The following LPP variants were observed in gnomAD, a reference collection of about 807,000 sequenced individuals.
LPP encodes the protein LIM domain containing preferred translocation partner in lipoma.
A neutral mutation model predicts 60.4 loss-of-function variants in LPP; 38 were observed. The ratio of observed to expected loss-of-function variants is 0.63; its 90% CI spans 0.49 to 0.83. The LOEUF (loss-of-function observed/expected upper bound fraction) is 0.83, where lower values mean the gene tolerates loss of function less well. LPP is among the 40% of genes least tolerant of loss of function. The probability of loss-of-function intolerance (pLI) is 0.00; values close to 1 mark genes in which losing one functional copy is unlikely to be tolerated. For missense variants in LPP, 902 were observed against 783.6 expected, an observed-to-expected ratio of 1.15 and a Z score of -1.80; for synonymous variants, 328 against 290.8, an observed-to-expected ratio of 1.13 and a Z score of -1.30.
chr3:188,300,508 T>A (rs992443890), intron 2 of LPP, among the ~76,000 whole-genome samples: 8 of 151,440 alleles, frequency 5.3e-5, no homozygotes, highest in African/African-American at 1.7e-4. Flanking sequence ...TCCAGTTTTT[T>A]AAATAAATTA....
chr3:188,655,657 C>G (rs1470756565), intron 7 of LPP, among the ~76,000 whole-genome samples: 3 of 152,102 alleles, frequency 2.0e-5, no homozygotes, highest in African/African-American at 7.2e-5. Context: ...AAGGTTGTTT[C>G]CAACCTTAAG....
chr3:188,233,204 T>A (rs774541403), intron 2 of LPP, among the ~76,000 whole-genome samples: 1 of 152,214 alleles, frequency 6.6e-6, no homozygotes, highest in Non-Finnish European at 1.5e-5. Flanking sequence ...TGCTCATGTT[T>A]TCTGATACCT....
intron 7 of LPP, among the ~76,000 whole-genome samples, chr3:188,689,160 G>A (rs1303247609): frequency 1.3e-5 from 2 of 152,160 alleles, no homozygotes; most frequent in East Asian, 3.9e-4. Flanking sequence ...GTGTTGGGAG[G>A]ATTTGAGCCT....
chr3:188,421,874 G>A (rs936264709), intron 4 of LPP, among the ~76,000 whole-genome samples: 2 of 152,096 alleles, frequency 1.3e-5, no homozygotes, highest in African/African-American at 2.4e-5. Context: ...AAGCCTGGCC[G>A]TGATCTTACA....
chr3:188,260,740 A>C (rs1733303541), intron 2 of LPP, among the ~76,000 whole-genome samples: 1 of 152,028 alleles, frequency 6.6e-6, no homozygotes, highest in Non-Finnish European at 1.5e-5. Flanking sequence ...TTTAAAAAGA[A>C]AGTGTTTCTG....
intron 2 of LPP, among the ~76,000 whole-genome samples, chr3:188,323,881 C>T (rs542857718): frequency 1.2e-4 from 19 of 152,312 alleles, no homozygotes; most frequent in African/African-American, 4.3e-4. Context: ...TTGAATCCAG[C>T]TGAAGCAGGA....
At chr3:188,558,268 T>C (rs1219550511) in intron 6 of LPP, among the ~76,000 whole-genome samples, 2 of 152,096 alleles carry the variant, frequency 1.3e-5, no homozygotes, top group African/African-American at 4.8e-5. Context: ...TCATATCCTC[T>C]CTTCTTTTAC....
chr3:188,346,251 CTTTTTTTT>C (rs1050679907), intron 3 of LPP, among the ~76,000 whole-genome samples: 1 of 88,344 alleles, frequency 1.1e-5, no homozygotes, highest in African/African-American at 5.2e-5. Flanking sequence ...AGTAGCAAAT[CTTTTTTTT>C]TTTTTTTTTT....
chr3:188,301,096 C>T (rs946468205), intron 2 of LPP, among the ~76,000 whole-genome samples: 20 of 152,150 alleles, frequency 1.3e-4, no homozygotes, highest in African/African-American at 4.6e-4. Context: ...GCCCATCCAC[C>T]CTCCTGCCTC....
chr3:188,174,795 A>G (rs1289895188), intron 1 of LPP, among the ~76,000 whole-genome samples: 1 of 152,080 alleles, frequency 6.6e-6, no homozygotes, highest in Non-Finnish European at 1.5e-5. Flanking sequence ...GCATATTAAT[A>G]CCACCTCTTC....
At position 188,352,635 on chromosome 3, in the gene LPP, A is replaced by G. The variant is rs571165011; in HGVS notation, c.-10+10916A>G. On this transcript the variant is annotated intron_variant, in intron 3 of 11. Coordinates refer to ENST00000617246, the MANE Select transcript of LPP (RefSeq NM_001375462.1). This position sits in a 1 kb window ranked among gnomAD's most constrained non-coding sequence, Gnocchi z 4.4. The stretch of plus-strand genomic sequence containing the variant: ...ATGCGGAGGTGACTTGCTCAAGGCC[A>G]CAGAGTGCATAGAGAGAAGGCTGGG... Among the ~76,000 whole-genome samples the G allele has an allele frequency of 6.6e-5, 10 of 152,358 alleles. No homozygotes were observed. The highest frequency in any genetic ancestry group is 6.2e-4 in the South Asian group (3 of 4,832).
Position 188,381,374 on chromosome 3 carries a change from A to G in LPP, c.-9-24738A>G, listed in dbSNP as rs542004755. On this transcript the variant is annotated intron_variant, in intron 3 of 11. Coordinates refer to ENST00000617246, the MANE Select transcript of LPP (RefSeq NM_001375462.1). ...CTTTTCCTTTCTTTCTTCAGCAACCATTACTGAGCATTTACCTTATTGGAA... is the reference window on the plus strand; with the variant it reads ...CTTTTCCTTTCTTTCTTCAGCAACCGTTACTGAGCATTTACCTTATTGGAA... 2.9e-4 allele frequency among the ~76,000 whole-genome samples: 44 copies of G among 151,762 alleles called. No individual in the cohort carries two copies. In the South Asian group the frequency reaches 8.6e-3, roughly 30 times the overall value.
At chr3:188,589,347 C>A (rs1345842045) in intron 6 of LPP, among the ~76,000 whole-genome samples, 6 of 152,066 alleles carry the variant, frequency 3.9e-5, no homozygotes, top group African/African-American at 9.7e-5. Flanking sequence ...TCAAGTTTTG[C>A]AAAAGAATGA....
At chr3:188,765,950 A>C (rs1048619610) in intron 9 of LPP, among the ~76,000 whole-genome samples, 4 of 138,870 alleles carry the variant, frequency 2.9e-5, no homozygotes, top group Non-Finnish European at 6.0e-5. Context: ...GGCTCACTGC[A>C]ATCTCCACCT....
At chr3:188,870,285 T>G (rs1480712999) in intron 10 of LPP, among the ~76,000 whole-genome samples, 2 of 152,228 alleles carry the variant, frequency 1.3e-5, no homozygotes, top group Non-Finnish European at 2.9e-5. Flanking sequence ...TTCTCAGGTC[T>G]GTACTGGAAG....
intron 4 of LPP, among the ~76,000 whole-genome samples, chr3:188,449,836 G>A (rs371172327): frequency 4.0e-5 from 6 of 151,864 alleles, no homozygotes; most frequent in East Asian, 1.9e-4. Flanking sequence ...ACAGAGTCTC[G>A]TTCTGTCACC....
intron 4 of LPP, among the ~76,000 whole-genome samples, chr3:188,436,112 G>A (rs1031782517): frequency 5.9e-5 from 9 of 152,108 alleles, no homozygotes; most frequent in African/African-American, 1.4e-4. Context: ...CTTGGAACTC[G>A]TGGATATGTA....
At position 188,609,557 on chromosome 3, in the gene LPP, A is replaced by T; in HGVS notation, c.826A>T (p.Ile276Phe). ...ACGGGGAGGCATGGATTATGCCTAC[A>T]TTCCACCACCAGGACTTCAGCCGGA... ...STRGGMDYAY[I>F]PPPGLQPEPG... The change falls in exon 7 of 12, where the codon ATT becomes TTT. Residue 276 changes from isoleucine to phenylalanine, a missense_variant. By Grantham distance (21) the Ile-to-Phe change is conservative (BLOSUM62 0). Coordinates refer to ENST00000617246, the MANE Select transcript of LPP (RefSeq NM_001375462.1). The surrounding 1 kb of genome is among the most constrained non-coding windows in gnomAD (Gnocchi z 6.9). The T allele has an allele frequency of 6.2e-7, 1 of 1,614,164 alleles. No individual in the cohort carries two copies. The highest frequency in any genetic ancestry group is 1.1e-5 in the South Asian group (1 of 91,084).
chr3:188,648,639 T>C lies in LPP; in HGVS notation c.1113+38795T>C, dbSNP rs543014921. 5.9e-5 allele frequency among the ~76,000 whole-genome samples: 9 copies of C among 152,316 alleles called. No homozygotes were observed. In the East Asian group the frequency reaches 1.7e-3, roughly 29 times the overall value. On this transcript the variant is annotated intron_variant, in intron 7 of 11. Coordinates refer to ENST00000617246, the MANE Select transcript of LPP (RefSeq NM_001375462.1). ...CTATCTAGCCTTCATACTTCTTGAA[T>C]CACTTTGAGTATGGTACCCTTATTT...
Sources: gnomAD v4.1 joint callset for allele counts (sites outside exome capture counted in the v4.1 genomes callset) on GRCh38, gnomAD v4.1.1 for gene constraint, Gnocchi (gnomAD v3.1) non-coding constraint, MANE v1.5 for transcripts, NCBI Gene and HGNC (gene_info 2026-07-23, HGNC 2026-07-21) for gene names.